The following PRKN variants were observed in gnomAD, a reference collection of about 807,000 sequenced individuals.
PRKN encodes the protein parkin RBR E3 ubiquitin protein ligase, also known as E3 ubiquitin-protein ligase parkin.
A neutral mutation model predicts 59.5 loss-of-function variants in PRKN; 56 were observed. The observed-to-expected ratio is 0.94, with a 90% CI of 0.76 to 1.18. The LOEUF (loss-of-function observed/expected upper bound fraction) is 1.18. PRKN is among the 50% of genes most tolerant of loss of function. PRKN has a pLI of 0.00. For missense variants in PRKN, 657 were observed against 596.4 expected, an observed-to-expected ratio of 1.10 and a Z score of -1.06; for synonymous variants, 250 against 222.1, an observed-to-expected ratio of 1.13 and a Z score of -1.12.
intron 7 of PRKN, among the ~76,000 whole-genome samples, chr6:161,746,571 T>TTATA (rs550102808): frequency 1.1e-4 from 16 of 142,466 alleles, no homozygotes; most frequent in African/African-American, 2.1e-4. Flanking sequence ...ATATATATAT[T>TTATA]TATATATATA....
At chr6:161,722,112 G>C (rs766063636) in intron 7 of PRKN, among the ~76,000 whole-genome samples, 89 of 151,888 alleles carry the variant, frequency 5.9e-4, no homozygotes, top group Admixed American at 9.2e-4. Flanking sequence ...CCTTAGGCTT[G>C]AGTTAAACAC....
chr6:161,811,057 A>G (rs1791537564), intron 6 of PRKN, among the ~76,000 whole-genome samples: 1 of 152,212 alleles, frequency 6.6e-6, no homozygotes, highest in Non-Finnish European at 1.5e-5. Context: ...CCCTTTTGAA[A>G]TATCATCAAA....
chr6:161,817,324 G>A (rs1791826540), intron 6 of PRKN, among the ~76,000 whole-genome samples: 2 of 152,326 alleles, frequency 1.3e-5, no homozygotes, highest in South Asian at 4.1e-4. Context: ...GAGCTAAGAA[G>A]TAGCCCCCTC....
At chr6:161,680,769 ATATATATTTTT>A (rs1326776165) in intron 7 of PRKN, among the ~76,000 whole-genome samples, 9 of 13,046 alleles carry the variant, frequency 6.9e-4, no homozygotes, top group African/African-American at 1.6e-3. Flanking sequence ...ATATATATAT[ATATATATTTTT>A]TTTTTTTTTT....
chr6:161,505,450 A>G (rs535699672), intron 9 of PRKN, among the ~76,000 whole-genome samples: 33,022 of 150,258 alleles, frequency 0.22, 5,214 homozygotes, highest in African/African-American at 0.45. Flanking sequence ...AGTAGGTTGC[A>G]AAAATATTCT....
intron 1 of PRKN, among the ~76,000 whole-genome samples, chr6:162,629,088 G>C (rs1482459779): frequency 6.6e-6 from 1 of 152,048 alleles, no homozygotes; most frequent in South Asian, 2.1e-4. Context: ...CATTTCAGGG[G>C]TTCCCTACTG....
At chr6:162,627,640 G>A (rs557575768) in intron 1 of PRKN, among the ~76,000 whole-genome samples, 2 of 152,282 alleles carry the variant, frequency 1.3e-5, no homozygotes, top group South Asian at 4.1e-4. Flanking sequence ...CAGTTAGGCA[G>A]GGTGAACGCA....
At chr6:162,258,200 G>A (rs558650124) in intron 3 of PRKN, among the ~76,000 whole-genome samples, 7 of 152,250 alleles carry the variant, frequency 4.6e-5, no homozygotes, top group Non-Finnish European at 7.4e-5. Context: ...GCTGTTTCTC[G>A]ATAGAACACA....
intron 6 of PRKN, among the ~76,000 whole-genome samples, chr6:161,955,997 A>G (rs1321823310): frequency 1.3e-5 from 2 of 152,270 alleles, no homozygotes. Flanking sequence ...AACAAAGTAC[A>G]GATAAGTCAA....
At chr6:162,541,771 G>T (rs989207168) in intron 1 of PRKN, among the ~76,000 whole-genome samples, 1 of 152,114 alleles carries the variant, frequency 6.6e-6, no homozygotes, top group African/African-American at 2.4e-5. Flanking sequence ...AACTAGGAGA[G>T]AGATGATAAG....
intron 7 of PRKN, among the ~76,000 whole-genome samples, chr6:161,778,615 T>C (rs2128205144): frequency 6.6e-6 from 1 of 152,240 alleles, no homozygotes; most frequent in Non-Finnish European, 1.5e-5. Context: ...CAAGGGCCAC[T>C]CCCAAGATTC....
chr6:161,765,476 G>C (rs1487434342), intron 7 of PRKN, among the ~76,000 whole-genome samples: 1 of 152,142 alleles, frequency 6.6e-6, no homozygotes, highest in Non-Finnish European at 1.5e-5. Flanking sequence ...AATAAAGTTT[G>C]AAGTTAGCTG....
At chr6:162,284,317 C>T (rs140823045) in intron 2 of PRKN, among the ~76,000 whole-genome samples, 1,797 of 146,806 alleles carry the variant, frequency 0.012, 40 homozygotes, top group African/African-American at 0.042. Flanking sequence ...GTCCACCTCT[C>T]GGGTTCAAGT....
intron 6 of PRKN, among the ~76,000 whole-genome samples, chr6:161,882,076 C>G (rs9355366): frequency 0.18 from 27,363 of 152,058 alleles, 2,798 homozygotes; most frequent in East Asian, 0.36. Context: ...TGGTAATCAC[C>G]TCAATTCTAG....
intron 2 of PRKN, among the ~76,000 whole-genome samples, chr6:162,424,106 G>T (rs1789108507): frequency 6.6e-6 from 1 of 152,100 alleles, no homozygotes; most frequent in Non-Finnish European, 1.5e-5. Context: ...GCCATGAAAG[G>T]TACAAAAGAA....
At chr6:162,605,148 A>G (rs184395043) in intron 1 of PRKN, among the ~76,000 whole-genome samples, 84 of 152,300 alleles carry the variant, frequency 5.5e-4, no homozygotes, top group African/African-American at 1.9e-3. Context: ...TAGACCAGGT[A>G]TAGATGATTT....
intron 1 of PRKN, among the ~76,000 whole-genome samples, chr6:162,470,482 T>A (rs1293618933): frequency 6.6e-6 from 1 of 151,980 alleles, no homozygotes; most frequent in African/African-American, 2.4e-5. Context: ...CAGGCGCTAC[T>A]TGGGAAGCTG....
Position 162,056,904 on chromosome 6 carries a change from G to T in PRKN, c.535-2730C>A, listed in dbSNP as rs1374553339. Among the ~76,000 whole-genome samples the T allele has an allele frequency of 3.9e-5, 6 of 152,084 alleles. No homozygotes were observed. Among genetic ancestry groups the T allele is most frequent in the Non-Finnish European group, 8.8e-5 (6 of 68,020 alleles). On this transcript the variant is annotated intron_variant, in intron 4 of 11. Coordinates refer to ENST00000366898, the MANE Select transcript of PRKN (RefSeq NM_004562.3). This position sits in a 1 kb window ranked among gnomAD's most constrained non-coding sequence, Gnocchi z 4.9. ...ACTGAGTGCCTCTCGAGTGACCACT[G>T]GGGGAGGACTCAGAGCCTTGCCTGC...
chr6:162,220,815 T>C (rs1777895131), intron 3 of PRKN, among the ~76,000 whole-genome samples: 1 of 151,870 alleles, frequency 6.6e-6, no homozygotes, highest in South Asian at 2.1e-4. Context: ...AAATTTGGAG[T>C]CATGGATTTC....
Sources: allele counts gnomAD v4.1 joint callset (sites outside exome capture counted in the v4.1 genomes callset), GRCh38; gene constraint gnomAD v4.1.1; non-coding constraint Gnocchi (gnomAD v3.1); transcripts MANE v1.5; gene names NCBI Gene and HGNC (gene_info 2026-07-23, HGNC 2026-07-21).